Variants in NRXN3 observed in about 807,000 individuals in gnomAD.
NRXN3 encodes neurexin 3.
A neutral mutation model predicts 137.6 loss-of-function variants in NRXN3; 32 were observed. The ratio of observed to expected loss-of-function variants is 0.23; its 90% CI spans 0.18 to 0.31. The LOEUF is 0.31. Among genes scored for constraint, NRXN3 ranks in the 10% least tolerant of loss-of-function variants. NRXN3 has a pLI of 1.00. For missense variants in NRXN3, 1,574 were observed against 2,062.5 expected (o/e 0.76, Z 4.59); for synonymous variants, 798 against 784.5 (o/e 1.02, Z -0.29).
chr14:78,407,887 T>C (rs1158474627), intron 4 of NRXN3, among the ~76,000 whole-genome samples: 1 of 152,152 alleles, frequency 6.6e-6, no homozygotes, highest in Non-Finnish European at 1.5e-5. Context: ...TAATTGCTGC[T>C]TTACTGTGCA....
At chr14:79,665,267 C>T (rs923151615) in intron 17 of NRXN3, among the ~76,000 whole-genome samples, 8 of 152,116 alleles carry the variant, frequency 5.3e-5, no homozygotes, top group African/African-American at 1.7e-4. Context: ...CAAAAAGCTC[C>T]ACCCACTATT....
chr14:79,600,644 A>T (rs528882707), intron 16 of NRXN3, among the ~76,000 whole-genome samples: 1 of 152,288 alleles, frequency 6.6e-6, no homozygotes, highest in East Asian at 1.9e-4. Flanking sequence ...CTCCAAATTC[A>T]TTTATGGAGG....
At chr14:78,747,688 T>G (rs960053081) in intron 8 of NRXN3, among the ~76,000 whole-genome samples, 1 of 152,218 alleles carries the variant, frequency 6.6e-6, no homozygotes, top group African/African-American at 2.4e-5. Context: ...TGGTAGCGCC[T>G]TTGCTTGCTA....
chr14:78,366,106 A>G (rs1483287298), intron 4 of NRXN3, among the ~76,000 whole-genome samples: 2 of 152,238 alleles, frequency 1.3e-5, no homozygotes, highest in Non-Finnish European at 2.9e-5. Flanking sequence ...GATAGTGCTT[A>G]TCACATAAGG....
chr14:78,883,460 C>T (rs1468086915), intron 10 of NRXN3, among the ~76,000 whole-genome samples: 1 of 152,130 alleles, frequency 6.6e-6, no homozygotes, highest in African/African-American at 2.4e-5. Flanking sequence ...AGTGAAGGCA[C>T]CGTAGCAGTG....
chr14:78,236,514 G>C (rs992249417), intron 1 of NRXN3, among the ~76,000 whole-genome samples: 1 of 152,196 alleles, frequency 6.6e-6, no homozygotes, highest in Non-Finnish European at 1.5e-5. Flanking sequence ...TGTCTATTAT[G>C]AATAGTGTTG....
chr14:78,532,056 G>A (rs1194044026), intron 4 of NRXN3, among the ~76,000 whole-genome samples: 3 of 150,952 alleles, frequency 2.0e-5, no homozygotes, highest in Non-Finnish European at 4.4e-5. Flanking sequence ...TGTAATCCCA[G>A]CACTTTGAGA....
chr14:79,606,780 C>T (rs1160598128), intron 16 of NRXN3, among the ~76,000 whole-genome samples: 1 of 152,104 alleles, frequency 6.6e-6, no homozygotes, highest in East Asian at 1.9e-4. Context: ...GGAACTCAGT[C>T]AATAATTACA....
intron 6 of NRXN3, among the ~76,000 whole-genome samples, chr14:78,662,601 G>T (rs2097850383): frequency 6.6e-6 from 1 of 152,090 alleles, no homozygotes; most frequent in Non-Finnish European, 1.5e-5. Flanking sequence ...CATATGAGTG[G>T]TTTTGATTTT....
intron 19 of NRXN3, among the ~76,000 whole-genome samples, chr14:79,718,379 G>C (rs1041364823): frequency 6.6e-6 from 1 of 152,198 alleles, no homozygotes; most frequent in African/African-American, 2.4e-5. Flanking sequence ...AACAGACAGG[G>C]CCTGTTTGGC....
intron 15 of NRXN3, among the ~76,000 whole-genome samples, chr14:79,075,667 C>T (rs1449396798): frequency 6.6e-6 from 1 of 152,150 alleles, no homozygotes. Flanking sequence ...TTTATACCTG[C>T]AATGCTCAAA....
intron 6 of NRXN3, among the ~76,000 whole-genome samples, chr14:78,683,164 A>G (rs1424718701): frequency 6.6e-6 from 1 of 152,238 alleles, no homozygotes; most frequent in African/African-American, 2.4e-5. Flanking sequence ...TGTTGAAATG[A>G]TAAAATTTTG....
chr14:79,045,601 G>C (rs2099631867), intron 15 of NRXN3, among the ~76,000 whole-genome samples: 2 of 152,110 alleles, frequency 1.3e-5, no homozygotes, highest in Admixed American at 6.5e-5. Context: ...CCCACTCTCT[G>C]ATCTATAAAA....
chr14:79,517,867 C>CTTTT (rs1374979162), intron 16 of NRXN3, among the ~76,000 whole-genome samples: 3 of 103,856 alleles, frequency 2.9e-5, no homozygotes, highest in Non-Finnish European at 6.3e-5. Flanking sequence ...TCCCTTATTA[C>CTTTT]TTTTTCTTTC....
At chr14:79,285,899 G>T (rs913011550) in intron 15 of NRXN3, among the ~76,000 whole-genome samples, 1 of 105,296 alleles carries the variant, frequency 9.5e-6, no homozygotes, top group Non-Finnish European at 1.7e-5. Flanking sequence ...TATTGGGAAA[G>T]AAGTAAAACT....
chr14:79,232,577 A>G (rs1321305781), intron 15 of NRXN3, among the ~76,000 whole-genome samples: 3 of 152,164 alleles, frequency 2.0e-5, no homozygotes, highest in African/African-American at 4.8e-5. Context: ...ATTCGGTTAC[A>G]GGTTGCTCAC....
chr14:78,954,998 A>G lies in NRXN3; in HGVS notation c.2276-2244A>G, dbSNP rs1597852765. 2.6e-5 allele frequency among the ~76,000 whole-genome samples: 4 copies of G among 152,176 alleles called. 1 individual carries two copies. ...ACCAATGAAGCAATGTTCCCAAACT[A>G]CTATGTTTGTGTTAGTCATTTTCCG... On this transcript the variant is annotated intron_variant, in intron 10 of 20. Coordinates refer to ENST00000335750, the MANE Select transcript of NRXN3 (RefSeq NM_001330195.2).
At chr14:78,538,382 A>C (rs1284662232) in intron 4 of NRXN3, among the ~76,000 whole-genome samples, 1 of 152,166 alleles carries the variant, frequency 6.6e-6, no homozygotes, top group Non-Finnish European at 1.5e-5. Flanking sequence ...GCAATTGTGA[A>C]TGGGAGTTCA....
In NRXN3 at chr14:79,413,883, C is replaced by CAAAA. The variant is rs372803175; in HGVS notation, c.3263-53319_3263-53316dup. On this transcript the variant is annotated intron_variant, in intron 15 of 20. Coordinates refer to ENST00000335750, the MANE Select transcript of NRXN3 (RefSeq NM_001330195.2). ...GCTGACCCAGGAACCATGTGGTTCT[C>CAAAA]AAAAAAAAAAAAAAAAAAAAAAGCT... is the stretch of plus-strand genomic sequence containing the variant. 4.2e-3 allele frequency among the ~76,000 whole-genome samples: 321 copies of CAAAA among 75,802 alleles called. 13 individuals carry two copies. The East Asian group carries it at 0.05, about 12-fold the overall frequency. 49.7% of individuals were successfully genotyped at this position (75,802 alleles called of 152,430 possible).
Sources: gnomAD v4.1 joint callset for allele counts (sites outside exome capture counted in the v4.1 genomes callset) on GRCh38, gnomAD v4.1.1 for gene constraint, MANE v1.5 for transcripts, NCBI Gene and HGNC (gene_info 2026-07-23, HGNC 2026-07-21) for gene names.